Variants in UNC13B observed in about 807,000 individuals in gnomAD.
UNC13B encodes the protein unc-13 homolog B, also known as protein unc-13 homolog B.
A neutral mutation model predicts 211.0 loss-of-function variants in UNC13B; 144 were observed. The ratio of observed to expected loss-of-function variants is 0.68; its 90% CI spans 0.60 to 0.78. The LOEUF is 0.78. Among genes scored for constraint, UNC13B ranks in the 30% least tolerant of loss-of-function variants. The pLI, the probability that UNC13B is intolerant of heterozygous loss-of-function variation, is 0.00. For missense variants in UNC13B, 1,777 were observed against 2,002.0 expected (o/e 0.89, Z 2.14); for synonymous variants, 709 against 725.8 (o/e 0.98, Z 0.37).
intron 1 of UNC13B, among the ~76,000 whole-genome samples, chr9:35,192,198 T>C (rs1166645171): frequency 2.0e-5 from 3 of 152,172 alleles, no homozygotes; most frequent in African/African-American, 7.2e-5. Flanking sequence ...TAAAAGCATA[T>C]AGGAGCCATT....
intron 1 of UNC13B, among the ~76,000 whole-genome samples, chr9:35,220,767 A>G (rs1334161069): frequency 6.6e-6 from 1 of 152,164 alleles, no homozygotes; most frequent in Non-Finnish European, 1.5e-5. Flanking sequence ...TTTTTGGGGT[A>G]TATACCTAGC....
At chr9:35,362,879 GTGT>G (rs1833521309) in intron 11 of UNC13B, among the ~76,000 whole-genome samples, 3 of 151,772 alleles carry the variant, frequency 2.0e-5, no homozygotes, top group African/African-American at 7.3e-5. Context: ...AAGGCATTAT[GTGT>G]TAAATACCAA....
rs893612498 is a variant in UNC13B at position 35,254,679 on chromosome 9, T to C, written c.469-4314T>C. Among the ~76,000 whole-genome samples the C allele has an allele frequency of 2.0e-5, 3 of 151,662 alleles. No homozygotes were observed. In the Admixed American group the frequency reaches 2.0e-4, roughly 10 times the overall value. On this transcript the variant is annotated intron_variant, in intron 6 of 39. Coordinates refer to ENST00000635942, the MANE Select transcript of UNC13B (RefSeq NM_001371189.2). Reference sequence around the variant, plus strand: ...TACATTTTCTAGTTGGTTATCACATTACTATTATAAGTAAATGCTTTGCTG... The same window carrying C: ...TACATTTTCTAGTTGGTTATCACATCACTATTATAAGTAAATGCTTTGCTG...
chr9:35,260,073 G>A lies in UNC13B; in HGVS notation c.526+1023G>A, dbSNP rs184313877. Among the ~76,000 whole-genome samples the A allele has an allele frequency of 8.0e-4, 111 of 138,694 alleles. 1 individual carries two copies. The highest frequency in any genetic ancestry group is 1.2e-3 in the Non-Finnish European group (80 of 64,776). The allele number at this position is 138,694 out of a possible 152,430, so 91.0% of individuals were successfully genotyped here. ...AAAAAAAAAAAAAAAAACCAAGTGT[G>A]ATGGCATGTGCCTGTAGTCCCAGAT... On this transcript the variant is annotated intron_variant, in intron 7 of 39. Transcript: ENST00000635942.
At chr9:35,225,039 A>G (rs1187263560) in intron 1 of UNC13B, among the ~76,000 whole-genome samples, 1 of 152,216 alleles carries the variant, frequency 6.6e-6, no homozygotes, top group African/African-American at 2.4e-5. Context: ...AACATACCTC[A>G]ACACAGTAGA....
chr9:35,201,581 G>T, intron 1 of UNC13B, among the ~76,000 whole-genome samples: 1 of 152,120 alleles, frequency 6.6e-6, no homozygotes, highest in East Asian at 1.9e-4. Flanking sequence ...TATGTGTCGA[G>T]GAATTTATCC....
intron 33 of UNC13B, 58 bp from the exon 34 acceptor site, chr9:35,399,103 T>A (rs1836099887): frequency 3.7e-6 from 6 of 1,613,968 alleles, no homozygotes; most frequent in Non-Finnish European, 5.1e-6. Context: ...AGGGAGCCCC[T>A]TGGGGAGAGG....
intron 1 of UNC13B, among the ~76,000 whole-genome samples, chr9:35,179,334 T>C (rs986840527): frequency 1.1e-4 from 17 of 152,296 alleles, no homozygotes; most frequent in African/African-American, 3.8e-4. Flanking sequence ...ATTATGGCTC[T>C]AGTTTAATAT....
At chr9:35,261,537 C>G (rs1012792423) in intron 7 of UNC13B, among the ~76,000 whole-genome samples, 1 of 151,754 alleles carries the variant, frequency 6.6e-6, no homozygotes, top group African/African-American at 2.4e-5. Context: ...TATTTTGATA[C>G]GGGCATACAA....
At position 35,212,442 on chromosome 9, in the gene UNC13B, G is replaced by A. The variant is rs371878074; in HGVS notation, c.23-15573G>A. On this transcript the variant is annotated intron_variant, in intron 1 of 39. Transcript: ENST00000635942. ...ACAAAAATTAGCCAAGCACAGTGGC[G>A]TGTGCCTGTAGTCCCAGCCACTCAG... Among the ~76,000 whole-genome samples the A allele has an allele frequency of 1.3e-3, 201 of 152,258 alleles. 4 individuals carry two copies. The South Asian group carries it at 0.039, about 30-fold the overall frequency.
intron 25 of UNC13B, among the ~76,000 whole-genome samples, chr9:35,390,186 C>T (rs960899027): frequency 6.6e-6 from 1 of 152,170 alleles, no homozygotes. Flanking sequence ...GAGCCAGCTT[C>T]CCTGGAGTGA....
chr9:35,212,357 G>C (rs1249819458), intron 1 of UNC13B, among the ~76,000 whole-genome samples: 1 of 152,208 alleles, frequency 6.6e-6, no homozygotes, highest in African/African-American at 2.4e-5. Flanking sequence ...TGGATCGCTT[G>C]AGGCTAGGAG....
chr9:35,227,828 AC>A (rs1824941706), intron 1 of UNC13B, 186 bp from the exon 2 acceptor site: 1 of 466,342 alleles, frequency 2.1e-6, no homozygotes, highest in Non-Finnish European at 3.8e-6. Context: ...GATCAGATTG[AC>A]TTTTAAGGTC....
chr9:35,310,699 A>G lies in UNC13B; in HGVS notation c.9241A>G (p.Lys3081Glu), dbSNP rs1299063356. The change falls in exon 10 of 40, where the codon AAG becomes GAG. Residue 3081 changes from lysine to glutamate, a missense_variant. Lys to Glu is a moderately conservative substitution (Grantham distance 56, BLOSUM62 1). Coordinates refer to ENST00000635942, the MANE Select transcript of UNC13B (RefSeq NM_001371189.2). ...AGAGAAGGAGGCAGCATGTGAACCCAAGGAGATGAAAGAAGATGCCACAAC... is the reference window on the plus strand; with the variant it reads ...AGAGAAGGAGGCAGCATGTGAACCCGAGGAGATGAAAGAAGATGCCACAAC... ...QAEKEAACEP[K>E]EMKEDATTHP... The G allele has an allele frequency of 3.1e-6, 5 of 1,613,872 alleles. No individual in the cohort carries two copies. The highest frequency in any genetic ancestry group is 4.2e-6 in the Non-Finnish European group (5 of 1,180,000).
At chr9:35,269,418 T>C (rs1421371269) in intron 7 of UNC13B, among the ~76,000 whole-genome samples, 2 of 152,186 alleles carry the variant, frequency 1.3e-5, no homozygotes, top group Non-Finnish European at 2.9e-5. Context: ...TGTGGGTGCA[T>C]TTTTGTTCAC....
At chr9:35,399,765 CCA>C in intron 36 of UNC13B, 36 bp downstream of exon 36, 2 of 1,605,686 alleles carry the variant, frequency 1.2e-6, no homozygotes, top group East Asian at 4.5e-5. Flanking sequence ...GTCTTAACCA[CCA>C]CACTCACTTG....
At chr9:35,230,204 G>C (rs1160416436) in intron 2 of UNC13B, among the ~76,000 whole-genome samples, 1 of 152,106 alleles carries the variant, frequency 6.6e-6, no homozygotes, top group Non-Finnish European at 1.5e-5. Context: ...GGGCCTGGTG[G>C]CTCATGCTTG....
chr9:35,236,715 T>A, intron 4 of UNC13B, 129 bp downstream of exon 4: 1 of 833,498 alleles, frequency 1.2e-6, no homozygotes, highest in Non-Finnish European at 2.0e-6. Context: ...TTAGAGGGCA[T>A]GCAACCTGCC....
chr9:35,251,242 G>A (rs915057226), intron 6 of UNC13B, among the ~76,000 whole-genome samples: 4 of 152,044 alleles, frequency 2.6e-5, no homozygotes, highest in African/African-American at 9.7e-5. Context: ...GGGATTACAG[G>A]CGTGAGTCAC....
Sources: allele counts gnomAD v4.1 joint callset (sites outside exome capture counted in the v4.1 genomes callset), GRCh38; gene constraint gnomAD v4.1.1; transcripts MANE v1.5; gene names NCBI Gene and HGNC (gene_info 2026-07-23, HGNC 2026-07-21).